RBM26: variants seen among roughly 807,000 people sequenced by gnomAD.
RBM26 encodes the protein RNA-binding protein 26.
A neutral mutation model predicts 123.6 loss-of-function variants in RBM26; 30 were observed. That is an observed-to-expected ratio of 0.24 (90% CI 0.18 to 0.33). The LOEUF is 0.33. Ranked by LOEUF, RBM26 falls within the 10% of genes least tolerant of loss-of-function variation. RBM26 has a pLI of 1.00. For missense variants in RBM26, 947 were observed against 1,203.6 expected, an observed-to-expected ratio of 0.79 and a Z score of 3.15; for synonymous variants, 400 against 404.4, an observed-to-expected ratio of 0.99 and a Z score of 0.13.
chr13:79,335,010 C>T (rs765000549), intron 19 of RBM26, among the ~76,000 whole-genome samples: 1 of 152,082 alleles, frequency 6.6e-6, no homozygotes, highest in East Asian at 1.9e-4. Flanking sequence ...AAGCTAAACA[C>T]ATTATATTAT....
At chr13:79,349,453 A>T (rs965382446) in intron 14 of RBM26, among the ~76,000 whole-genome samples, 3 of 152,174 alleles carry the variant, frequency 2.0e-5, no homozygotes, top group African/African-American at 2.4e-5. Flanking sequence ...AACAAAGATT[A>T]AAAAACTTGC....
At position 79,360,783 on chromosome 13, in the gene RBM26, T is replaced by C. The variant is rs1397930147; in HGVS notation, c.1418-1097A>G. 3.3e-5 allele frequency among the ~76,000 whole-genome samples: 5 copies of C among 152,296 alleles called. No homozygotes were observed. In the East Asian group the frequency reaches 9.6e-4, roughly 29 times the overall value. On this transcript the variant is annotated intron_variant, in intron 9 of 21. Coordinates refer to ENST00000438737, the MANE Select transcript of RBM26 (RefSeq NM_001366735.2). ...AGTCTGTTACTTTCAACATTTTATA[T>C]TTACTTACATGGCATGTAATGAGCA...
intron 2 of RBM26, among the ~76,000 whole-genome samples, chr13:79,377,881 T>C (rs2076777288): frequency 6.6e-6 from 1 of 151,306 alleles, no homozygotes; most frequent in African/African-American, 2.4e-5. Context: ...GCACTCAAGA[T>C]CACGCCATTG....
At chr13:79,353,635 A>C (rs780047934) in intron 13 of RBM26, among the ~76,000 whole-genome samples, 1 of 152,142 alleles carries the variant, frequency 6.6e-6, no homozygotes, top group Non-Finnish European at 1.5e-5. Context: ...GGATGATAGG[A>C]CTGGGAATTT....
chr13:79,367,730 A>T (rs886161594), intron 6 of RBM26, among the ~76,000 whole-genome samples: 9 of 152,180 alleles, frequency 5.9e-5, no homozygotes, highest in Non-Finnish European at 1.2e-4. Context: ...CACTTTTTGT[A>T]CAGTCTGCAG....
intron 1 of RBM26, among the ~76,000 whole-genome samples, chr13:79,381,388 C>A (rs1327515570): frequency 1.3e-5 from 2 of 151,806 alleles, no homozygotes; most frequent in African/African-American, 4.8e-5. Flanking sequence ...CCAAACTAGA[C>A]ATCAAGCTAA....
chr13:79,372,019 G>A, intron 3 of RBM26, 89 bp from the exon 4 acceptor site: 1 of 943,600 alleles, frequency 1.1e-6, no homozygotes, highest in Non-Finnish European at 1.6e-6. Flanking sequence ...AGTGGTTCAT[G>A]CCTGTAATGC....
At position 79,320,405 on chromosome 13, in the gene RBM26, G is replaced by T; in HGVS notation, c.*216C>A. On this transcript the variant is annotated 3_prime_UTR_variant, in exon 22 of 22. Transcript: ENST00000438737. ...AAAACATTGCATATGTTTCTAGTGT[G>T]ATGTCTTTAGCAATTGTTTACTGAA... 1 of 1,192,770 alleles carries T rather than the reference G, an allele frequency of 8.4e-7. No homozygotes were observed. The highest frequency in any genetic ancestry group is 1.0e-6 in the Non-Finnish European group (1 of 959,374). 73.9% of individuals were successfully genotyped at this position (1,192,770 alleles called of 1,614,324 possible). A position where few individuals can be genotyped will look rare whatever the true frequency, so the allele number is the denominator to read the frequency against.
rs536472923 is a variant in RBM26, at chr13:79,377,258, A to C, written c.327+121T>G. 105 of 748,060 alleles carry C rather than the reference A, an allele frequency of 1.4e-4. 1 individual carries two copies. Among genetic ancestry groups the C allele is most frequent in the Admixed American group, 8.0e-5 (3 of 37,290 alleles). The allele number at this position is 748,060 out of a possible 1,614,324, so 46.3% of individuals were successfully genotyped here. A position where few individuals can be genotyped will look rare whatever the true frequency, so the allele number is the denominator to read the frequency against. Reference sequence around the variant, plus strand: ...GAGTCCTATGAGTCCTCCTAGAAAAATCATTTAAACTGGGAGTGGTCCTGA... The same window carrying C: ...GAGTCCTATGAGTCCTCCTAGAAAACTCATTTAAACTGGGAGTGGTCCTGA... On this transcript the variant is annotated intron_variant, in intron 3 of 21. Coordinates refer to ENST00000438737, the MANE Select transcript of RBM26 (RefSeq NM_001366735.2).
At chr13:79,317,076 T>G (rs900354318), downstream of RBM26, among the ~76,000 whole-genome samples, 12 of 151,738 alleles carry the variant, frequency 7.9e-5, no homozygotes, top group Non-Finnish European at 8.8e-5. Context: ...AGCAAGTACT[T>G]CTACTTTAAA....
chr13:79,333,305 T>A (rs2138816031), intron 20 of RBM26, among the ~76,000 whole-genome samples: 1 of 152,276 alleles, frequency 6.6e-6, no homozygotes, highest in East Asian at 1.9e-4. Context: ...TCCTATTTTA[T>A]AAAATAATAT....
At chr13:79,373,293 TA>T (rs1447899242) in intron 3 of RBM26, among the ~76,000 whole-genome samples, 5 of 108,176 alleles carry the variant, frequency 4.6e-5, no homozygotes, top group Non-Finnish European at 8.4e-5. Flanking sequence ...TATTTATATA[TA>T]AATATATAAA....
chr13:79,329,224 T>A (rs1201874682), intron 20 of RBM26, among the ~76,000 whole-genome samples: 3 of 152,230 alleles, frequency 2.0e-5, no homozygotes, highest in East Asian at 3.9e-4. Flanking sequence ...ACCTATCTAC[T>A]TGTATGTGTG....
chr13:79,345,139 G>A (rs1980882), intron 14 of RBM26, among the ~76,000 whole-genome samples: 150,237 of 152,286 alleles, frequency 0.99, 74,151 homozygotes, highest in Non-Finnish European at 1. Flanking sequence ...TAAAGCAGAA[G>A]CCACACTCAA....
rs781651562 is a variant in RBM26, at chr13:79,366,703, G to C, written c.1065C>G (p.Pro355=). ...CTGGGGGCCTGAGATTCACAGGTGGGGGTGTAAGAATTGGTGGAGGTGGGG... is the reference window on the plus strand; with the variant it reads ...CTGGGGGCCTGAGATTCACAGGTGGCGGTGTAAGAATTGGTGGAGGTGGGG... ...GLPPPPPILT[P]PPVNLRPPVP... Residue 355 remains proline (P), a synonymous_variant, in exon 7 of 22, where the codon CCC becomes CCG. Transcript: ENST00000438737. The C allele has an allele frequency of 1.9e-6, 3 of 1,609,690 alleles. No homozygotes were observed. The highest frequency in any genetic ancestry group is 2.5e-6 in the Non-Finnish European group (3 of 1,177,390).
At position 79,369,977 on chromosome 13, in the gene RBM26, G is replaced by A. The variant is rs1594417828; in HGVS notation, c.634+968C>T. Reference sequence around the variant, plus strand: ...CCTCCTTTACTCCATTTCAGGCAACGACTGGCTTTGCTCTCTGTCATCACA... The same window carrying A: ...CCTCCTTTACTCCATTTCAGGCAACAACTGGCTTTGCTCTCTGTCATCACA... On this transcript the variant is annotated intron_variant, in intron 5 of 21. Coordinates refer to ENST00000438737, the MANE Select transcript of RBM26 (RefSeq NM_001366735.2). Among the ~76,000 whole-genome samples, 3 of 152,092 alleles carry A rather than the reference G, an allele frequency of 2.0e-5. No homozygotes were observed. In the South Asian group the frequency reaches 6.2e-4, roughly 32 times the overall value.
intron 3 of RBM26, among the ~76,000 whole-genome samples, chr13:79,375,269 T>C (rs1594510667): frequency 6.7e-6 from 1 of 150,020 alleles, no homozygotes; most frequent in African/African-American, 2.5e-5. Flanking sequence ...GCCTCCCAGG[T>C]TCAAGCGATT....
At chr13:79,346,672 G>A (rs182164404) in intron 14 of RBM26, among the ~76,000 whole-genome samples, 80 of 152,226 alleles carry the variant, frequency 5.3e-4, no homozygotes, top group Admixed American at 9.2e-4. Flanking sequence ...CACCATACTC[G>A]ACCAATTAAA....
intron 1 of RBM26, among the ~76,000 whole-genome samples, chr13:79,382,040 G>T (rs1193440212): frequency 1.3e-5 from 2 of 151,974 alleles, no homozygotes; most frequent in Non-Finnish European, 2.9e-5. Flanking sequence ...AAAAAGCTGA[G>T]TAAAAAATAT....
Sources: allele counts gnomAD v4.1 joint callset (sites outside exome capture counted in the v4.1 genomes callset), GRCh38; gene constraint gnomAD v4.1.1; transcripts MANE v1.5; gene names NCBI Gene and HGNC (gene_info 2026-07-23, HGNC 2026-07-21).